AVL9: variants seen among roughly 807,000 people sequenced by gnomAD.
AVL9 encodes the protein late secretory pathway protein AVL9 homolog.
Under a neutral mutation model 79.2 loss-of-function variants are expected in AVL9, and 49 were observed. The ratio of observed to expected loss-of-function variants is 0.62; its 90% confidence interval spans 0.49 to 0.79. The LOEUF is 0.79. Among genes scored for constraint, AVL9 ranks in the 30% least tolerant of loss-of-function variants. AVL9 has a pLI of 0.00. For synonymous variants in AVL9, 299 were observed against 280.6 expected, an observed-to-expected ratio of 1.07 and a Z score of -0.65; for missense variants, 682 against 776.8, an observed-to-expected ratio of 0.88 and a Z score of 1.45.
chr7:32,504,825 G>T (rs919294240), intron 1 of AVL9, among the ~76,000 whole-genome samples: 1 of 152,192 alleles, frequency 6.6e-6, no homozygotes, highest in African/African-American at 2.4e-5. Context: ...GCCCATGAAT[G>T]TGTGGATCCT....
At chr7:32,519,478 T>C (rs1347999642) in intron 1 of AVL9, among the ~76,000 whole-genome samples, 2 of 151,392 alleles carry the variant, frequency 1.3e-5, no homozygotes, top group Non-Finnish European at 2.9e-5. Flanking sequence ...TGATACAAGC[T>C]AGTTCAGATG....
chr7:32,578,620 C>G (rs950402741), intron 13 of AVL9, among the ~76,000 whole-genome samples: 1 of 152,032 alleles, frequency 6.6e-6, no homozygotes, highest in Non-Finnish European at 1.5e-5. Flanking sequence ...CCAGCCTGGG[C>G]AACATGGTGA....
chr7:32,503,204 G>A (rs1170693440), intron 1 of AVL9, among the ~76,000 whole-genome samples: 7 of 151,440 alleles, frequency 4.6e-5, no homozygotes, highest in Non-Finnish European at 8.8e-5. Context: ...GCCAGGTGCG[G>A]TGGCTCACAA....
chr7:32,551,305 C>CAA (rs779325623), intron 4 of AVL9, 29 bp from the exon 5 acceptor site: 1 of 1,400,512 alleles, frequency 7.1e-7, no homozygotes, highest in Non-Finnish European at 1.0e-6. Context: ...AATTATTAAT[C>CAA]AATGGTAATT....
At chr7:32,542,350 G>T (rs1426435853) in intron 1 of AVL9, among the ~76,000 whole-genome samples, 3 of 145,340 alleles carry the variant, frequency 2.1e-5, no homozygotes, top group Non-Finnish European at 4.5e-5. Context: ...GACTAGCCTG[G>T]CCAACGTGGT....
intron 15 of AVL9, chr7:32,581,169 G>A (rs1791489113): frequency 5.1e-6 from 2 of 393,018 alleles, no homozygotes; most frequent in Non-Finnish European, 4.6e-6. Flanking sequence ...CCCATTCCCT[G>A]TGCTGTCCAC....
rs1030469761 is a variant in AVL9 at position 32,559,413 on chromosome 7, T to A, written c.1164T>A (p.Ile388=). The part of the protein sequence containing the change: ...TGQVVLIPGL[I]SGLEEDQYGM... ...AGGTAGTCCTGATACCAGGGCTCAT[T>A]TCGGGTTTGGAAGAGGATCAGTATG... is the stretch of plus-strand genomic sequence containing the variant. The change falls in exon 10 of 16, where the codon ATT becomes ATA. Residue 388 remains isoleucine, a synonymous_variant. Coordinates refer to ENST00000318709, the MANE Select transcript of AVL9 (RefSeq NM_015060.3). The A allele has an allele frequency of 6.2e-7, 1 of 1,606,960 alleles. No individual in the cohort carries two copies. The highest frequency in any genetic ancestry group is 1.3e-5 in the African/African-American group (1 of 74,798).
chr7:32,562,999 C>T (rs930397950), intron 10 of AVL9, among the ~76,000 whole-genome samples: 29 of 152,252 alleles, frequency 1.9e-4, no homozygotes, highest in African/African-American at 6.5e-4. Flanking sequence ...TTGCATATAA[C>T]GTGTGCACAT....
At chr7:32,581,343 A>C in intron 15 of AVL9, 1 of 153,692 alleles carries the variant, frequency 6.5e-6, no homozygotes, top group Non-Finnish European at 1.4e-5. Context: ...AGAAGGTACA[A>C]ATTACCAACG....
At chr7:32,568,748 T>G (rs1790695072) in intron 10 of AVL9, among the ~76,000 whole-genome samples, 1 of 152,200 alleles carries the variant, frequency 6.6e-6, no homozygotes, top group Non-Finnish European at 1.5e-5. Context: ...TTTAAACATT[T>G]CTTGAAAGCT....
At chr7:32,545,364 CTTTTTTTTTT>C (rs10610945) in intron 3 of AVL9, among the ~76,000 whole-genome samples, 12 of 73,350 alleles carry the variant, frequency 1.6e-4, no homozygotes, top group African/African-American at 6.6e-4. Flanking sequence ...TCTAAGATTT[CTTTTTTTTTT>C]TTTTTTTTTT....
At chr7:32,581,105 T>G in intron 15 of AVL9, 1 of 517,824 alleles carries the variant, frequency 1.9e-6, no homozygotes, top group East Asian at 3.4e-5. Flanking sequence ...CAAAATTTTC[T>G]GATGAAGTCA....
intron 8 of AVL9, among the ~76,000 whole-genome samples, chr7:32,556,495 CAG>C (rs1452792713): frequency 3.3e-5 from 5 of 149,560 alleles, no homozygotes; most frequent in African/African-American, 1.2e-4. Flanking sequence ...GCCTGGGTGA[CAG>C]AGCGAGACTC....
intron 1 of AVL9, among the ~76,000 whole-genome samples, chr7:32,525,345 T>C (rs1445801909): frequency 6.6e-6 from 1 of 152,158 alleles, no homozygotes; most frequent in Non-Finnish European, 1.5e-5. Flanking sequence ...ACCAAGACTT[T>C]CACTAGAATA....
At chr7:32,559,628 G>A (rs1441585981) in intron 10 of AVL9, among the ~76,000 whole-genome samples, 164 bp downstream of exon 10, 1 of 152,150 alleles carries the variant, frequency 6.6e-6, no homozygotes. Context: ...CGTGACCATA[G>A]TATAAGTCTA....
intron 11 of AVL9, among the ~76,000 whole-genome samples, chr7:32,572,103 A>G (rs1039117432): frequency 6.6e-6 from 1 of 151,004 alleles, no homozygotes; most frequent in Non-Finnish European, 1.5e-5. Context: ...CAGAGGTTGC[A>G]GGGAGCCGAG....
intron 1 of AVL9, among the ~76,000 whole-genome samples, chr7:32,500,928 T>G (rs1787102177): frequency 6.6e-6 from 1 of 152,182 alleles, no homozygotes; most frequent in South Asian, 2.1e-4. Flanking sequence ...ATGTGTGGTG[T>G]TATTTGTGAG....
chr7:32,556,142 T>C (rs868545198), intron 8 of AVL9, among the ~76,000 whole-genome samples: 4 of 152,198 alleles, frequency 2.6e-5, no homozygotes, highest in Non-Finnish European at 5.9e-5. Context: ...AGTAAAGATA[T>C]CAACCTAGTT....
intron 1 of AVL9, among the ~76,000 whole-genome samples, chr7:32,518,813 TATA>T (rs1360105259): frequency 6.6e-6 from 1 of 152,190 alleles, no homozygotes; most frequent in African/African-American, 2.4e-5. Context: ...ATAATGAAAT[TATA>T]ATAGTTTTTC....
Sources: allele counts gnomAD v4.1 joint callset (sites outside exome capture counted in the v4.1 genomes callset), GRCh38; gene constraint gnomAD v4.1.1; transcripts MANE v1.5; gene names NCBI Gene and HGNC (gene_info 2026-07-23, HGNC 2026-07-21).